Variants in KCNN2 observed in about 807,000 individuals in gnomAD.
KCNN2 encodes potassium calcium-activated channel subfamily N member 2.
A neutral mutation model predicts 55.5 loss-of-function variants in KCNN2; 24 were observed. That is an observed-to-expected ratio of 0.43 (90% CI 0.31 to 0.61). The LOEUF is 0.61. Ranked by LOEUF, KCNN2 falls within the 20% of genes least tolerant of loss-of-function variation. KCNN2 has a pLI of 0.08. For missense variants in KCNN2, 754 were observed against 853.6 expected (o/e 0.88, Z 1.45); for synonymous variants, 431 against 336.1 (o/e 1.28, Z -3.09).
At chr5:114,430,703 G>A (rs1759765679) in intron 3 of KCNN2, among the ~76,000 whole-genome samples, 2 of 152,042 alleles carry the variant, frequency 1.3e-5, no homozygotes, top group Non-Finnish European at 1.5e-5. Context: ...TCTTAAGTGT[G>A]ATATTAACTG....
intron 2 of KCNN2, among the ~76,000 whole-genome samples, chr5:114,278,272 G>A (rs1342067815): frequency 6.6e-6 from 1 of 152,164 alleles, no homozygotes; most frequent in African/African-American, 2.4e-5. Context: ...GCCCCTACTG[G>A]TAGGTGTCTC....
intron 1 of KCNN2, among the ~76,000 whole-genome samples, chr5:114,150,545 C>G (rs1254110783): frequency 6.6e-6 from 1 of 152,162 alleles, no homozygotes; most frequent in Non-Finnish European, 1.5e-5. Flanking sequence ...CTGAGCTGAC[C>G]CTTGTCATCT....
At chr5:114,298,153 A>C (rs1756069610) in intron 2 of KCNN2, among the ~76,000 whole-genome samples, 1 of 152,230 alleles carries the variant, frequency 6.6e-6, no homozygotes, top group Admixed American at 6.5e-5. Context: ...TTGTCACAAC[A>C]GGCTCAGGAA....
At chr5:114,184,239 A>G (rs935015732) in intron 1 of KCNN2, among the ~76,000 whole-genome samples, 3 of 152,196 alleles carry the variant, frequency 2.0e-5, no homozygotes, top group Non-Finnish European at 4.4e-5. Flanking sequence ...CAGTGCTGCA[A>G]GTGATTAGGA....
chr5:114,085,696 T>A (rs2974484), intron 1 of KCNN2, among the ~76,000 whole-genome samples: 1 of 151,848 alleles, frequency 6.6e-6, no homozygotes, highest in East Asian at 1.9e-4. Context: ...CGAGTGCACT[T>A]GAAAATAATT....
chr5:114,380,954 C>T (rs1254995818), intron 2 of KCNN2, among the ~76,000 whole-genome samples: 1 of 152,180 alleles, frequency 6.6e-6, no homozygotes. Flanking sequence ...GTGAACAGAC[C>T]TGAAGTGGAT....
intron 1 of KCNN2, among the ~76,000 whole-genome samples, chr5:114,150,162 A>G (rs1752491927): frequency 6.6e-6 from 1 of 152,186 alleles, no homozygotes; most frequent in African/African-American, 2.4e-5. Flanking sequence ...GCAACTTTGT[A>G]TTTACAATAA....
intron 2 of KCNN2, among the ~76,000 whole-genome samples, chr5:114,389,428 G>A (rs1455529236): frequency 6.6e-6 from 1 of 152,134 alleles, no homozygotes; most frequent in African/African-American, 2.4e-5. Context: ...CCTGTATCAT[G>A]TAACCCTGGC....
intron 2 of KCNN2, among the ~76,000 whole-genome samples, chr5:114,341,672 A>G (rs1757017607): frequency 6.6e-6 from 1 of 152,152 alleles, no homozygotes; most frequent in Non-Finnish European, 1.5e-5. Flanking sequence ...ATAAAATACT[A>G]TGAAAAATAA....
intron 1 of KCNN2, among the ~76,000 whole-genome samples, chr5:114,100,980 A>T (rs1207860156): frequency 1.3e-5 from 2 of 151,874 alleles, no homozygotes; most frequent in African/African-American, 2.4e-5. Context: ...ATATTTATAT[A>T]ATATCCTTAT....
chr5:114,464,859 C>T (rs1293092174), intron 4 of KCNN2, among the ~76,000 whole-genome samples: 1 of 151,456 alleles, frequency 6.6e-6, no homozygotes, highest in Non-Finnish European at 1.5e-5. Flanking sequence ...TATTGGATCA[C>T]TTCCCCTTTT....
chr5:114,477,258 A>G (rs187028068), intron 5 of KCNN2, among the ~76,000 whole-genome samples: 133 of 152,314 alleles, frequency 8.7e-4, no homozygotes, highest in Non-Finnish European at 1.5e-3. Context: ...CTGTTCTCCC[A>G]GGAACAGATG....
At chr5:114,140,932 G>C (rs1263382425) in intron 1 of KCNN2, among the ~76,000 whole-genome samples, 1 of 151,590 alleles carries the variant, frequency 6.6e-6, no homozygotes, top group Non-Finnish European at 1.5e-5. Flanking sequence ...GGGATTGTAG[G>C]TGCGCACCAC....
At chr5:114,234,914 A>G (rs919246911) in intron 2 of KCNN2, among the ~76,000 whole-genome samples, 3 of 152,222 alleles carry the variant, frequency 2.0e-5, no homozygotes, top group Non-Finnish European at 4.4e-5. Flanking sequence ...GTTAGAGCTC[A>G]GAGAGGATTT....
chr5:114,288,841 T>C (rs1457233764), intron 2 of KCNN2, among the ~76,000 whole-genome samples: 2 of 152,214 alleles, frequency 1.3e-5, no homozygotes, highest in Non-Finnish European at 2.9e-5. Context: ...TAATGTCCAT[T>C]GACACACAAG....
chr5:114,300,849 T>C (rs2150022180), intron 2 of KCNN2, among the ~76,000 whole-genome samples: 1 of 152,330 alleles, frequency 6.6e-6, no homozygotes, highest in African/African-American at 2.4e-5. Flanking sequence ...CTAAGGTCAA[T>C]GAACTGTCCT....
chr5:114,401,664 A>G (rs554813052), intron 2 of KCNN2, among the ~76,000 whole-genome samples: 1 of 152,350 alleles, frequency 6.6e-6, no homozygotes, highest in East Asian at 1.9e-4. Context: ...GGCATCTACT[A>G]CATGCTAGAG....
chr5:114,443,143 T>A (rs1031394839), intron 3 of KCNN2, among the ~76,000 whole-genome samples: 1 of 151,744 alleles, frequency 6.6e-6, no homozygotes, highest in African/African-American at 2.4e-5. Flanking sequence ...ATACAAAAAT[T>A]AACTGGGCGT....
chr5:114,330,834 AC>A (rs1343628181), intron 2 of KCNN2, among the ~76,000 whole-genome samples: 2 of 152,188 alleles, frequency 1.3e-5, no homozygotes, highest in East Asian at 3.9e-4. Context: ...TTCTCATTAA[AC>A]CATAGCTCCC....
Sources: gnomAD v4.1 joint callset for allele counts (sites outside exome capture counted in the v4.1 genomes callset) on GRCh38, gnomAD v4.1.1 for gene constraint, MANE v1.5 for transcripts, NCBI Gene and HGNC (gene_info 2026-07-23, HGNC 2026-07-21) for gene names.